Variants in SAMMSON observed in about 807,000 individuals in gnomAD.
The protein encoded by SAMMSON is survival associated mitochondrial melanoma specific oncogenic non-coding RNA.
chr3:70,181,713 G>A (rs1701054622), intron 4 of SAMMSON, among the ~76,000 whole-genome samples: 1 of 152,152 alleles, frequency 6.6e-6, no homozygotes, highest in Non-Finnish European at 1.5e-5. Flanking sequence ...AGATTCCAGG[G>A]TAATTTCAAA....
chr3:70,344,657 C>T (rs1266190096), intron 7 of SAMMSON, among the ~76,000 whole-genome samples: 3 of 152,212 alleles, frequency 2.0e-5, no homozygotes, highest in African/African-American at 7.2e-5. Flanking sequence ...CAGACACCCA[C>T]CTCTGGATGC....
At chr3:70,400,610 A>G (rs780571740) in intron 2 of SAMMSON, among the ~76,000 whole-genome samples, 4 of 152,154 alleles carry the variant, frequency 2.6e-5, no homozygotes, top group Non-Finnish European at 5.9e-5. Context: ...AGCAATACTA[A>G]ATGGACTCAG....
chr3:70,121,376 G>C (rs998387206), intron 4 of SAMMSON, among the ~76,000 whole-genome samples: 30 of 152,118 alleles, frequency 2.0e-4, no homozygotes, highest in African/African-American at 7.0e-4. Context: ...TAAGCCCTGA[G>C]TAGGAGGATG....
intron 6 of SAMMSON, among the ~76,000 whole-genome samples, chr3:70,251,748 G>A (rs1701771084): frequency 6.6e-6 from 1 of 152,168 alleles, no homozygotes; most frequent in Non-Finnish European, 1.5e-5. Context: ...GCTCGTCTAA[G>A]GAAGATGAGG....
At chr3:70,360,335 C>A (rs1702862526) in intron 9 of SAMMSON, among the ~76,000 whole-genome samples, 1 of 152,090 alleles carries the variant, frequency 6.6e-6, no homozygotes, top group Admixed American at 6.6e-5. Flanking sequence ...CTTAAGTATA[C>A]AATAAGGACG....
intron 4 of SAMMSON, chr3:70,120,035 G>A (rs995922094): frequency 1.3e-5 from 2 of 152,176 alleles, no homozygotes; most frequent in Non-Finnish European, 2.9e-5. Flanking sequence ...GGATGGGCTT[G>A]ACAGTTCTTC....
chr3:70,131,338 G>A (rs2067481895), intron 4 of SAMMSON, among the ~76,000 whole-genome samples: 1 of 152,134 alleles, frequency 6.6e-6, no homozygotes, highest in Non-Finnish European at 1.5e-5. Flanking sequence ...AGACTTCTGT[G>A]GTTCTCTCTT....
intron 3 of SAMMSON, among the ~76,000 whole-genome samples, chr3:70,060,208 C>G (rs2067182564): frequency 6.6e-6 from 1 of 152,060 alleles, no homozygotes; most frequent in South Asian, 2.1e-4. Context: ...AGGCACTGTG[C>G]TAGTTGCTGG....
chr3:70,046,243 A>T (rs2067126710), intron 3 of SAMMSON, among the ~76,000 whole-genome samples: 1 of 152,112 alleles, frequency 6.6e-6, no homozygotes, highest in African/African-American at 2.4e-5. Context: ...TTTTGAAAGA[A>T]CAAATGTATA....
At chr3:70,092,301 G>A (rs570110175) in intron 4 of SAMMSON, among the ~76,000 whole-genome samples, 1 of 151,912 alleles carries the variant, frequency 6.6e-6, no homozygotes, top group South Asian at 2.1e-4. Flanking sequence ...GTATTCATGG[G>A]TATATGAGAA....
intron 4 of SAMMSON, among the ~76,000 whole-genome samples, chr3:70,120,896 G>A (rs1036551705): frequency 6.6e-6 from 1 of 152,074 alleles, no homozygotes; most frequent in Non-Finnish European, 1.5e-5. Context: ...TGATTCAAGC[G>A]CATTACATTT....
intron 6 of SAMMSON, among the ~76,000 whole-genome samples, chr3:70,268,249 T>C (rs1701940258): frequency 6.6e-6 from 1 of 152,044 alleles, no homozygotes; most frequent in African/African-American, 2.4e-5. Flanking sequence ...GGCAGGCAGA[T>C]TGCCTGAGCG....
chr3:70,073,505 A>C (rs1032744260), intron 4 of SAMMSON, among the ~76,000 whole-genome samples: 3 of 152,028 alleles, frequency 2.0e-5, no homozygotes, highest in African/African-American at 7.2e-5. Context: ...AAGAGTATGA[A>C]GTGTGTAGAA....
intron 1 of SAMMSON, among the ~76,000 whole-genome samples, chr3:70,011,786 A>G (rs908826600): frequency 6.6e-6 from 1 of 152,076 alleles, no homozygotes; most frequent in African/African-American, 2.4e-5. Flanking sequence ...TAAAACAAAT[A>G]AATCACTTGC....
intron 9 of SAMMSON, among the ~76,000 whole-genome samples, chr3:70,374,444 A>G (rs1229616007): frequency 1.3e-5 from 2 of 152,140 alleles, no homozygotes; most frequent in African/African-American, 4.8e-5. Flanking sequence ...AGAAAAGAGG[A>G]TGGCTCGTTA....
chr3:70,270,002 A>T (rs1430188920), intron 6 of SAMMSON, among the ~76,000 whole-genome samples: 1 of 152,230 alleles, frequency 6.6e-6, no homozygotes, highest in Non-Finnish European at 1.5e-5. Context: ...ATCGAAACAA[A>T]CAACTGGACA....
intron 4 of SAMMSON, among the ~76,000 whole-genome samples, chr3:70,117,757 A>G (rs2067417272): frequency 1.3e-5 from 2 of 152,180 alleles, no homozygotes; most frequent in Non-Finnish European, 2.9e-5. Flanking sequence ...TGCTTGGTCC[A>G]CAGTGCAACT....
Position 70,188,727 on chromosome 3 carries a change from T to C in SAMMSON, n.508-60380T>C, listed in dbSNP as rs118130875. 0.012 allele frequency among the ~76,000 whole-genome samples: 1,781 copies of C among 152,318 alleles called. 74 individuals carry two copies. In the East Asian group the frequency reaches 0.15, roughly 13 times the overall value. ...GCTAAAGACTTGGCTGAATCATCTC[T>C]TTTACTCCTCACAATGACCCAATAG... On this transcript the variant is annotated intron_variant and non_coding_transcript_variant, in intron 4 of 9. Coordinates refer to ENST00000642114, the Ensembl canonical transcript of SAMMSON.
chr3:70,182,625 C>T (rs2106706262), intron 4 of SAMMSON, among the ~76,000 whole-genome samples: 1 of 152,268 alleles, frequency 6.6e-6, no homozygotes, highest in Non-Finnish European at 1.5e-5. Flanking sequence ...ATTTCACGGG[C>T]TAATTTACAG....
Sources: allele counts gnomAD v4.1 joint callset (sites outside exome capture counted in the v4.1 genomes callset), GRCh38; gene constraint gnomAD v4.1.1; transcripts MANE v1.5; gene names NCBI Gene and HGNC (gene_info 2026-07-23, HGNC 2026-07-21).